The following CHP1 variants were observed in gnomAD, a reference collection of about 807,000 sequenced individuals.
The protein encoded by CHP1 is calcineurin like EF-hand protein 1.
A neutral mutation model predicts 27.4 loss-of-function variants in CHP1; 11 were observed. That is an observed-to-expected ratio of 0.40 (90% CI 0.25 to 0.67). CHP1 has a LOEUF of 0.67. CHP1 is among the 30% of genes least tolerant of loss of function. The pLI, the probability that CHP1 is intolerant of heterozygous loss-of-function variation, is 0.38. For missense variants in CHP1, 169 were observed against 251.3 expected, an observed-to-expected ratio of 0.67 and a Z score of 2.22; for synonymous variants, 89 against 87.4, an observed-to-expected ratio of 1.02 and a Z score of -0.10.
rs539361391 is a variant in CHP1 at position 41,235,523 on chromosome 15, A to C, written c.67+4074A>C. On this transcript the variant is annotated intron_variant, in intron 1 of 6. Coordinates refer to ENST00000334660, the MANE Select transcript of CHP1 (RefSeq NM_007236.5). ...TGGGAGAAACAGACCCTGTCTCAAAAAAAAACAAAAACAAACAACAACCAC... is the reference window on the plus strand; with the variant it reads ...TGGGAGAAACAGACCCTGTCTCAAACAAAAACAAAAACAAACAACAACCAC... 2.0e-5 allele frequency among the ~76,000 whole-genome samples: 3 copies of C among 152,264 alleles called. No homozygotes were observed. In the South Asian group the frequency reaches 6.2e-4, roughly 32 times the overall value.
chr15:41,236,189 C>A (rs2047275901), intron 1 of CHP1, among the ~76,000 whole-genome samples: 1 of 151,754 alleles, frequency 6.6e-6, no homozygotes, highest in African/African-American at 2.4e-5. Flanking sequence ...AATGATCCTT[C>A]CACCCCAGAC....
At chr15:41,258,711 A>G (rs2047415664) in intron 3 of CHP1, among the ~76,000 whole-genome samples, 1 of 152,196 alleles carries the variant, frequency 6.6e-6, no homozygotes, top group Admixed American at 6.6e-5. Flanking sequence ...TACCTTTTCA[A>G]CAATAAAACT....
At chr15:41,267,036 T>C (rs2047464877) in intron 4 of CHP1, among the ~76,000 whole-genome samples, 3 of 151,906 alleles carry the variant, frequency 2.0e-5, no homozygotes, top group Non-Finnish European at 4.4e-5. Context: ...TGGTACAACA[T>C]GGATGAATCT....
intron 1 of CHP1, 126 bp from the exon 2 acceptor site, chr15:41,243,541 C>A: frequency 1.6e-6 from 1 of 636,350 alleles, no homozygotes; most frequent in South Asian, 2.1e-5. Flanking sequence ...TCTGCTTTAA[C>A]ATTCTAGAGA....
chr15:41,257,862 C>T (rs931700775), intron 3 of CHP1, among the ~76,000 whole-genome samples: 2 of 152,136 alleles, frequency 1.3e-5, no homozygotes, highest in African/African-American at 4.8e-5. Context: ...GCCCAGCCTA[C>T]ATTTTTTCAT....
intron 4 of CHP1, chr15:41,264,356 G>A: frequency 2.6e-6 from 1 of 391,442 alleles, no homozygotes; most frequent in Non-Finnish European, 4.4e-6. Context: ...AAGGAAAAAG[G>A]TTGGAATGCC....
chr15:41,255,597 C>T (rs754921243), intron 2 of CHP1, among the ~76,000 whole-genome samples: 95 of 151,912 alleles, frequency 6.3e-4, no homozygotes, highest in Non-Finnish European at 1.2e-3. Context: ...CGCTTGAACC[C>T]GGGAGGAGGA....
intron 1 of CHP1, among the ~76,000 whole-genome samples, chr15:41,242,032 A>C (rs973626130): frequency 2.6e-5 from 4 of 151,984 alleles, no homozygotes; most frequent in Admixed American, 6.6e-5. Context: ...TTGAGTTTTT[A>C]GTATTATTAT....
chr15:41,279,442 G>A lies in CHP1; in HGVS notation c.*53G>A, dbSNP rs901490237. ...AGTATTTAAGAACTGGAACTTGAAA[G>A]TCCTCCTTCTACCAACTCCACCTCC... On this transcript the variant is annotated 3_prime_UTR_variant, in exon 7 of 7. Transcript: ENST00000334660. 6.7e-7 allele frequency: 1 copy of A among 1,495,014 alleles called. No homozygotes were observed. Among genetic ancestry groups the A allele is most frequent in the Admixed American group, 1.7e-5 (1 of 59,148 alleles). 92.6% of individuals were successfully genotyped at this position (1,495,014 alleles called of 1,614,324 possible).
At chr15:41,275,630 G>A (rs2047515529) in intron 5 of CHP1, among the ~76,000 whole-genome samples, 1 of 152,078 alleles carries the variant, frequency 6.6e-6, no homozygotes, top group Non-Finnish European at 1.5e-5. Flanking sequence ...ACTATTCACA[G>A]GCATGATCAT....
intron 2 of CHP1, among the ~76,000 whole-genome samples, chr15:41,252,962 T>G (rs1413144779): frequency 8.9e-6 from 1 of 112,172 alleles, no homozygotes; most frequent in Non-Finnish European, 1.7e-5. Flanking sequence ...TTTTTTGAGA[T>G]GGAGTCTCAC....
At chr15:41,256,868 G>T in intron 2 of CHP1, 42 bp from the exon 3 acceptor site, 1 of 1,532,872 alleles carries the variant, frequency 6.5e-7, no homozygotes, top group South Asian at 1.1e-5. Context: ...TTCATGCTAA[G>T]GGCAATGATC....
At chr15:41,266,270 T>C (rs1387655686) in intron 4 of CHP1, among the ~76,000 whole-genome samples, 1 of 151,208 alleles carries the variant, frequency 6.6e-6, no homozygotes, top group Non-Finnish European at 1.5e-5. Flanking sequence ...GCAATAAGAG[T>C]GAAACTCCAT....
chr15:41,279,594 T>C lies in CHP1; in HGVS notation c.*205T>C, dbSNP rs2047536039. ...TACAGAATGGTACACCCTATATATT[T>C]CTGTTCAGTATCCATTCACTAGTTC... On this transcript the variant is annotated 3_prime_UTR_variant, in exon 7 of 7. Coordinates refer to ENST00000334660, the MANE Select transcript of CHP1 (RefSeq NM_007236.5). 2 of 532,164 alleles carry C rather than the reference T, an allele frequency of 3.8e-6. No individual in the cohort carries two copies. The highest frequency in any genetic ancestry group is 5.5e-5 in the South Asian group (2 of 36,318). The allele number at this position is 532,164 out of a possible 1,614,324, so 33.0% of individuals were successfully genotyped here.
intron 5 of CHP1, among the ~76,000 whole-genome samples, chr15:41,271,321 G>A (rs989918590): frequency 6.6e-6 from 1 of 151,302 alleles, no homozygotes; most frequent in African/African-American, 2.4e-5. Context: ...CCAGCTGCTC[G>A]GGAGGCTGAA....
At chr15:41,253,286 T>C (rs2047380003) in intron 2 of CHP1, among the ~76,000 whole-genome samples, 1 of 151,798 alleles carries the variant, frequency 6.6e-6, no homozygotes, top group Non-Finnish European at 1.5e-5. Context: ...GGAGTATTTA[T>C]TTTTTTCTAT....
At chr15:41,272,733 C>T (rs1026158395) in intron 5 of CHP1, among the ~76,000 whole-genome samples, 11 of 151,776 alleles carry the variant, frequency 7.2e-5, no homozygotes, top group Non-Finnish European at 1.6e-4. Flanking sequence ...ACCTGTCAAT[C>T]TTATAGAAGA....
At chr15:41,242,353 G>A (rs907127033) in intron 1 of CHP1, among the ~76,000 whole-genome samples, 84 of 152,264 alleles carry the variant, frequency 5.5e-4, no homozygotes, top group African/African-American at 1.8e-3. Context: ...ATCAAATATT[G>A]TACACCCAAC....
intron 5 of CHP1, among the ~76,000 whole-genome samples, chr15:41,274,939 C>T (rs1240807586): frequency 4.0e-5 from 6 of 151,706 alleles, no homozygotes; most frequent in African/African-American, 1.5e-4. Flanking sequence ...TATAGGCGCG[C>T]ACTACCATGC....
Sources: gnomAD v4.1 joint callset for allele counts (sites outside exome capture counted in the v4.1 genomes callset) on GRCh38, gnomAD v4.1.1 for gene constraint, MANE v1.5 for transcripts, NCBI Gene and HGNC (gene_info 2026-07-23, HGNC 2026-07-21) for gene names.